The following LRRC4C variants were observed in gnomAD, a reference collection of about 807,000 sequenced individuals.
The protein encoded by LRRC4C is leucine rich repeat containing 4C, also known as leucine-rich repeat-containing protein 4C.
A neutral mutation model predicts 33.6 loss-of-function variants in LRRC4C; 5 were observed. The ratio of observed to expected loss-of-function variants is 0.15; its 90% CI spans 0.08 to 0.31. The LOEUF is 0.31. Among genes scored for constraint, LRRC4C ranks in the 10% least tolerant of loss-of-function variants. The pLI is 1.00. For missense variants in LRRC4C, 560 were observed against 796.7 expected (o/e 0.70, Z 3.58); for synonymous variants, 329 against 302.0 (o/e 1.09, Z -0.93).
At chr11:41,149,281 G>A (rs1015802923) in intron 1 of LRRC4C, among the ~76,000 whole-genome samples, 2 of 152,000 alleles carry the variant, frequency 1.3e-5, no homozygotes, top group African/African-American at 4.8e-5. Context: ...CGAGGCGGGC[G>A]GATCACGAGG....
intron 2 of LRRC4C, among the ~76,000 whole-genome samples, chr11:40,766,675 C>A (rs867394252): frequency 1.3e-5 from 2 of 150,088 alleles, no homozygotes; most frequent in South Asian, 4.2e-4. Context: ...ATTTTGTTTG[C>A]CTGCTTTTAC....
intron 1 of LRRC4C, among the ~76,000 whole-genome samples, chr11:41,456,984 C>T (rs912163048): frequency 4.6e-5 from 7 of 152,088 alleles, no homozygotes. Flanking sequence ...CTGAGTTGGC[C>T]CCCACTTCTA....
At chr11:40,351,465 T>C (rs1307549475) in intron 3 of LRRC4C, 1 of 152,070 alleles carries the variant, frequency 6.6e-6, no homozygotes, top group African/African-American at 2.4e-5. Context: ...TGGTTTTCTG[T>C]CTGGACGATC....
In LRRC4C at chr11:40,310,436, T is replaced by C. The variant is rs1441392909; in HGVS notation, c.-176+9192A>G. Among the ~76,000 whole-genome samples the C allele has an allele frequency of 2.0e-5, 3 of 152,294 alleles. No homozygotes were observed. The East Asian group carries it at 5.8e-4, about 29-fold the overall frequency. On this transcript the variant is annotated intron_variant, in intron 4 of 6. Transcript: ENST00000528697. ...TATCTTATTCATCATTGTACCACATTGCTTGCCACAATTTATAGGCTATAG... is the reference window on the plus strand; with the variant it reads ...TATCTTATTCATCATTGTACCACATCGCTTGCCACAATTTATAGGCTATAG...
chr11:40,686,948 A>G (rs557422335), intron 2 of LRRC4C, among the ~76,000 whole-genome samples: 2 of 152,210 alleles, frequency 1.3e-5, no homozygotes, highest in African/African-American at 4.8e-5. Context: ...TATTGGTAAT[A>G]CAAAACCTCA....
chr11:41,320,844 C>T (rs77498200), intron 1 of LRRC4C, among the ~76,000 whole-genome samples: 10,801 of 152,208 alleles, frequency 0.071, 530 homozygotes, highest in South Asian at 0.16. Flanking sequence ...AAGAATCTAC[C>T]TCCCAACACA....
At chr11:40,145,957 A>G (rs2135043042) in intron 5 of LRRC4C, among the ~76,000 whole-genome samples, 1 of 152,324 alleles carries the variant, frequency 6.6e-6, no homozygotes, top group South Asian at 2.1e-4. Context: ...AAATGCTACC[A>G]AATCATCCTC....
At chr11:40,560,039 A>G (rs1957487447) in intron 3 of LRRC4C, among the ~76,000 whole-genome samples, 1 of 152,274 alleles carries the variant, frequency 6.6e-6, no homozygotes, top group Non-Finnish European at 1.5e-5. Context: ...TCACATCCCC[A>G]GTTAAGAGCC....
intron 1 of LRRC4C, among the ~76,000 whole-genome samples, chr11:41,166,508 A>G (rs924694273): frequency 3.3e-5 from 5 of 152,222 alleles, no homozygotes; most frequent in African/African-American, 1.2e-4. Context: ...TAAATAAAAT[A>G]AAGATCGGGT....
At chr11:41,438,797 T>G (rs1590281822) in intron 1 of LRRC4C, among the ~76,000 whole-genome samples, 1 of 152,208 alleles carries the variant, frequency 6.6e-6, no homozygotes, top group African/African-American at 2.4e-5. Flanking sequence ...TTAATATATA[T>G]TGAATGAACA....
intron 3 of LRRC4C, among the ~76,000 whole-genome samples, chr11:40,627,526 C>T (rs1222426741): frequency 1.3e-5 from 2 of 152,070 alleles, no homozygotes. Context: ...GAATAAAATT[C>T]TGACTAAGAT....
chr11:40,772,846 T>C (rs935043898), intron 2 of LRRC4C, among the ~76,000 whole-genome samples: 17 of 152,170 alleles, frequency 1.1e-4, no homozygotes, highest in Admixed American at 4.6e-4. Context: ...CATCCACTGA[T>C]AGGTATATAC....
rs186920178 is a variant in LRRC4C, at chr11:41,202,641, G to A, written c.-496+256790C>T. Among the ~76,000 whole-genome samples, 17 of 152,074 alleles carry A rather than the reference G, an allele frequency of 1.1e-4. No homozygotes were observed. In the East Asian group the frequency reaches 2.1e-3, roughly 19 times the overall value. On this transcript the variant is annotated intron_variant, in intron 1 of 6. Transcript: ENST00000528697. ...TGTAAATAACAGAGCCGACATTGCC[G>A]TGTTTTTTGGCTCTAATGCTTTTGG...
At chr11:40,289,796 CA>C (rs1944070304) in intron 4 of LRRC4C, among the ~76,000 whole-genome samples, 1 of 152,170 alleles carries the variant, frequency 6.6e-6, no homozygotes, top group South Asian at 2.1e-4. Flanking sequence ...AAGATGATGA[CA>C]CCTTAGATGC....
chr11:41,098,327 T>C (rs1444673533), intron 1 of LRRC4C, among the ~76,000 whole-genome samples: 1 of 152,176 alleles, frequency 6.6e-6, no homozygotes, highest in African/African-American at 2.4e-5. Context: ...ATTGGTCAGA[T>C]ATCTCATATC....
At chr11:40,214,083 C>T (rs1159174176) in intron 5 of LRRC4C, among the ~76,000 whole-genome samples, 1 of 152,188 alleles carries the variant, frequency 6.6e-6, no homozygotes, top group East Asian at 1.9e-4. Flanking sequence ...ACCTTTCCCC[C>T]TGTGGAGGCT....
At chr11:40,845,112 A>T (rs538238210) in intron 2 of LRRC4C, among the ~76,000 whole-genome samples, 30 of 151,706 alleles carry the variant, frequency 2.0e-4, no homozygotes, top group Non-Finnish European at 1.5e-5. Context: ...TAATTTGTTA[A>T]TTTTTTCATA....
intron 1 of LRRC4C, among the ~76,000 whole-genome samples, chr11:41,281,080 T>TCTCTCTCTCTCTCCC (rs1949657304): frequency 9.6e-6 from 1 of 104,502 alleles, no homozygotes; most frequent in South Asian, 3.5e-4. Context: ...CTCTCTGTCC[T>TCTCTCTCTCTCTCCC]CTCTCTCTCT....
At chr11:40,857,946 A>AGAAAGGGAAAGGGAAAGGGAAAGG (rs59485681) in intron 2 of LRRC4C, among the ~76,000 whole-genome samples, 6 of 45,056 alleles carry the variant, frequency 1.3e-4, no homozygotes, top group African/African-American at 1.8e-4. Flanking sequence ...AGGAAAGGAA[A>AGAAAGGGAAAGGGAAAGGGAAAGG]GAAAGGGAAA....
Sources: gnomAD v4.1 joint callset for allele counts (sites outside exome capture counted in the v4.1 genomes callset) on GRCh38, gnomAD v4.1.1 for gene constraint, MANE v1.5 for transcripts, NCBI Gene and HGNC (gene_info 2026-07-23, HGNC 2026-07-21) for gene names.